Variants in ABCA4 observed in about 807,000 individuals in gnomAD.
ABCA4 encodes the protein retinal-specific phospholipid-transporting ATPase ABCA4.
Under a neutral mutation model 263.7 loss-of-function variants are expected in ABCA4, and 196 were observed. That is an observed-to-expected ratio of 0.74 (90% CI 0.66 to 0.84). The LOEUF (loss-of-function observed/expected upper bound fraction) is 0.84, where lower values mean the gene tolerates loss of function less well. ABCA4 is among the 40% of genes least tolerant of loss of function. The pLI is 0.00. For missense variants in ABCA4, 2,792 were observed against 2,855.1 expected (o/e 0.98, Z 0.50); for synonymous variants, 1,133 against 1,094.2 (o/e 1.04, Z -0.70).
intron 44 of ABCA4, among the ~76,000 whole-genome samples, chr1:94,003,778 C>T (rs1399105368): frequency 2.0e-5 from 3 of 152,000 alleles, no homozygotes; most frequent in Admixed American, 6.6e-5. Context: ...GGACTATAGG[C>T]GTGCACCACC....
rs11810336 is a variant in ABCA4 at position 94,041,436 on chromosome 1, T to C, written c.3329-34A>G. 7,989 of 1,609,968 alleles carry C rather than the reference T, an allele frequency of 5.0e-3. 366 individuals are homozygous for C. The African/African-American group carries it at 0.095, about 19-fold the overall frequency. ...TAGGGGCCAGGGCAATCACCAGGCC[T>C]GCCCTGGGTTGGGCATTGTTGGTAA... On this transcript the variant is annotated intron_variant, in intron 22 of 49. Coordinates refer to ENST00000370225, the MANE Select transcript of ABCA4 (RefSeq NM_000350.3).
chr1:94,083,525 T>C (rs891048262), intron 6 of ABCA4, 84 bp from the exon 7 acceptor site: 11 of 1,044,062 alleles, frequency 1.1e-5, no homozygotes, highest in Non-Finnish European at 1.6e-5. Context: ...ATCTCCTATA[T>C]GTTTGAAAAC....
intron 27 of ABCA4, 108 bp downstream of exon 27, chr1:94,031,670 G>A (rs569745520): frequency 1.2e-4 from 165 of 1,417,680 alleles, no homozygotes; most frequent in Admixed American, 1.1e-3. Flanking sequence ...TCTAAAGAGG[G>A]TGCTCCTTGC....
At chr1:94,112,839 T>G (rs1395329605) in intron 2 of ABCA4, 134 bp downstream of exon 2, 1 of 745,788 alleles carries the variant, frequency 1.3e-6, no homozygotes, top group African/African-American at 1.8e-5. Context: ...TTGATAAATC[T>G]GTTACATGCA....
In ABCA4 at chr1:94,043,730, A is replaced by G. The variant is rs532244739; in HGVS notation, c.3051-255T>C. ...ATTTTATAGAAGAATATGTAATGAC[A>G]TGAAAGATGTTCCTGATATCTTATG... On this transcript the variant is annotated intron_variant, in intron 20 of 49. Transcript: ENST00000370225. Among the ~76,000 whole-genome samples the G allele has an allele frequency of 5.9e-5, 9 of 152,164 alleles. No individual in the cohort carries two copies. In the South Asian group the frequency reaches 1.7e-3, roughly 28 times the overall value.
At chr1:94,042,117 A>G (rs1290225886) in intron 22 of ABCA4, among the ~76,000 whole-genome samples, 5 of 151,352 alleles carry the variant, frequency 3.3e-5, no homozygotes, top group East Asian at 1.9e-4. Context: ...AAAAAAAAAA[A>G]AAAGAAAAGA....
At chr1:94,016,707 G>A (rs79548558) in intron 36 of ABCA4, among the ~76,000 whole-genome samples, 2,310 of 152,312 alleles carry the variant, frequency 0.015, 27 homozygotes, top group Middle Eastern at 0.024. Context: ...TAGGTAGATA[G>A]AGAACTATAG....
chr1:94,070,269 G>GC (rs1381319294), intron 11 of ABCA4, among the ~76,000 whole-genome samples: 7 of 152,294 alleles, frequency 4.6e-5, no homozygotes, highest in Admixed American at 1.3e-4. Flanking sequence ...CAGCAAAGTT[G>GC]CCTCCAATCA....
chr1:93,998,623 G>T (rs753721211), intron 47 of ABCA4, among the ~76,000 whole-genome samples: 3 of 152,182 alleles, frequency 2.0e-5, no homozygotes, highest in Non-Finnish European at 2.9e-5. Flanking sequence ...GAAATCATTT[G>T]ATACCAGTTT....
At chr1:94,013,867 C>T (rs187857637) in intron 38 of ABCA4, among the ~76,000 whole-genome samples, 1 of 152,310 alleles carries the variant, frequency 6.6e-6, no homozygotes, top group African/African-American at 2.4e-5. Context: ...TAGGGATCTG[C>T]TGATGTGTCT....
intron 3 of ABCA4, among the ~76,000 whole-genome samples, chr1:94,110,874 C>T (rs948596385): frequency 4.4e-4 from 67 of 151,698 alleles, no homozygotes; most frequent in African/African-American, 1.4e-3. Context: ...CCACTGCACC[C>T]GAGCCATATT....
At chr1:93,998,213 C>G in intron 47 of ABCA4, 103 bp from the exon 48 acceptor site, 2 of 1,519,910 alleles carry the variant, frequency 1.3e-6, no homozygotes, top group Non-Finnish European at 1.8e-6. Context: ...GGATTAAGCT[C>G]AGCTTGGTGG....
intron 26 of ABCA4, among the ~76,000 whole-genome samples, chr1:94,035,769 C>T (rs538851995): frequency 1.6e-4 from 25 of 152,268 alleles, no homozygotes; most frequent in African/African-American, 6.0e-4. Context: ...GAAGTGGTTT[C>T]TGTTTGTGTG....
In ABCA4 at chr1:94,021,898, TC is replaced by T. The variant is rs1557768952; in HGVS notation, c.4720del (p.Glu1574LysfsTer7). On this transcript the variant is annotated frameshift_variant, in exon 33 of 50. Transcript: ENST00000370225. LOFTEE classifies it high-confidence loss of function. The stretch of plus-strand genomic sequence containing the variant: ...GTCGCTTAAAAACCCAACAAGTGCT[TC>T]CCCCGTGATGGGGACGACTGGGAGC... Reference protein sequence around the residue: ...GKLPVVPITGEALVGFLSDLG... With the variant: ...GKLPVVPITGXALVGFLSDLG... 1 of 1,614,052 alleles carries T rather than the reference TC, an allele frequency of 6.2e-7. No individual in the cohort carries two copies. The highest frequency in any genetic ancestry group is 1.1e-5 in the South Asian group (1 of 91,078).
At chr1:94,032,368 G>A (rs2101037706) in intron 26 of ABCA4, among the ~76,000 whole-genome samples, 1 of 152,342 alleles carries the variant, frequency 6.6e-6, no homozygotes, top group Non-Finnish European at 1.5e-5. Context: ...TGGGCACGGA[G>A]GCTCACGCCT....
intron 26 of ABCA4, among the ~76,000 whole-genome samples, chr1:94,036,259 C>T (rs774133799): frequency 5.3e-5 from 8 of 151,010 alleles, no homozygotes; most frequent in Non-Finnish European, 1.0e-4. Context: ...CTAGACCTAA[C>T]TCAGTCTGTT....
At chr1:94,050,453 G>A (rs1660804455) in intron 17 of ABCA4, among the ~76,000 whole-genome samples, 1 of 152,194 alleles carries the variant, frequency 6.6e-6, no homozygotes, top group South Asian at 2.1e-4. Flanking sequence ...TGGTTTTAGA[G>A]AGTTTTAGAA....
At chr1:94,113,110 G>A (rs1272566962) in intron 1 of ABCA4, 44 bp from the exon 2 acceptor site, 1 of 1,581,170 alleles carries the variant, frequency 6.3e-7, no homozygotes, top group East Asian at 2.2e-5. Flanking sequence ...GTGGTGCTAA[G>A]AGATTATAGA....
intron 6 of ABCA4, among the ~76,000 whole-genome samples, chr1:94,097,262 A>G (rs372679746): frequency 2.6e-5 from 4 of 152,188 alleles, no homozygotes; most frequent in African/African-American, 9.6e-5. Context: ...CGAGCTGGGA[A>G]AATCGTAGAG....
Sources: gnomAD v4.1 joint callset for allele counts (sites outside exome capture counted in the v4.1 genomes callset) on GRCh38, gnomAD v4.1.1 for gene constraint, MANE v1.5 for transcripts, NCBI Gene and HGNC (gene_info 2026-07-23, HGNC 2026-07-21) for gene names.